MAP3K1: variants seen among roughly 807,000 people sequenced by gnomAD.
MAP3K1 encodes the protein MAP/ERK kinase kinase 1.
A neutral mutation model predicts 144.2 loss-of-function variants in MAP3K1; 36 were observed. The ratio of observed to expected loss-of-function variants is 0.25; its 90% CI spans 0.19 to 0.33. The LOEUF is 0.33. Ranked by LOEUF, MAP3K1 falls within the 10% of genes least tolerant of loss-of-function variation. The probability of loss-of-function intolerance (pLI) is 1.00; values close to 1 mark genes in which losing one functional copy is unlikely to be tolerated. For missense variants in MAP3K1, 1,650 were observed against 1,881.9 expected (o/e 0.88, Z 2.28); for synonymous variants, 718 against 688.7 (o/e 1.04, Z -0.67).
chr5:56,871,546 A>G (rs1160420169), intron 6 of MAP3K1, among the ~76,000 whole-genome samples: 2 of 152,166 alleles, frequency 1.3e-5, no homozygotes, highest in Non-Finnish European at 2.9e-5. Flanking sequence ...CAGTACTTAA[A>G]ATCTTGAAAC....
At chr5:56,845,724 T>C (rs541087454) in intron 1 of MAP3K1, among the ~76,000 whole-genome samples, 2 of 152,342 alleles carry the variant, frequency 1.3e-5, no homozygotes, top group South Asian at 2.1e-4. Context: ...GTTTCATTTT[T>C]CCCCAAAGGT....
chr5:56,885,072 T>C (rs577951274), intron 16 of MAP3K1, among the ~76,000 whole-genome samples: 1 of 152,218 alleles, frequency 6.6e-6, no homozygotes, highest in Non-Finnish European at 1.5e-5. Context: ...TGTAGCATTG[T>C]TGTTTTTAAT....
chr5:56,857,917 C>T (rs530365847), intron 2 of MAP3K1, among the ~76,000 whole-genome samples: 1 of 152,186 alleles, frequency 6.6e-6, no homozygotes, highest in Non-Finnish European at 1.5e-5. Flanking sequence ...TGTTCCTTTC[C>T]ATACCAGCAC....
At chr5:56,848,209 A>G (rs571319508) in intron 1 of MAP3K1, among the ~76,000 whole-genome samples, 80 of 152,130 alleles carry the variant, frequency 5.3e-4, no homozygotes, top group Non-Finnish European at 1.0e-3. Context: ...TTGCCTGATG[A>G]TTGTTACAAA....
chr5:56,836,753 C>T (rs1746666928), intron 1 of MAP3K1, among the ~76,000 whole-genome samples: 1 of 152,126 alleles, frequency 6.6e-6, no homozygotes, highest in Non-Finnish European at 1.5e-5. Context: ...CCTATCCATC[C>T]AGCATACTTC....
chr5:56,834,214 C>G (rs938659561), intron 1 of MAP3K1, among the ~76,000 whole-genome samples: 3 of 152,168 alleles, frequency 2.0e-5, no homozygotes, highest in Non-Finnish European at 4.4e-5. Context: ...CACTTTAGCT[C>G]AGCACTTGTT....
chr5:56,885,462 C>T (rs1282111841), intron 16 of MAP3K1, among the ~76,000 whole-genome samples: 2 of 152,170 alleles, frequency 1.3e-5, no homozygotes, highest in African/African-American at 2.4e-5. Context: ...CTACTATAAA[C>T]ACTTTTAAAA....
chr5:56,825,031 G>A (rs904447791), intron 1 of MAP3K1, among the ~76,000 whole-genome samples: 4 of 151,832 alleles, frequency 2.6e-5, no homozygotes, highest in Admixed American at 1.3e-4. Context: ...TGTTGAGATG[G>A]AGTTTCGCTC....
At chr5:56,817,534 A>G (rs532737850) in intron 1 of MAP3K1, among the ~76,000 whole-genome samples, 12 of 152,350 alleles carry the variant, frequency 7.9e-5, no homozygotes, top group Admixed American at 5.9e-4. Flanking sequence ...CCATGGCACT[A>G]CTGAGACCAA....
At chr5:56,888,494 A>T in intron 19 of MAP3K1, 137 bp downstream of exon 19, 1 of 801,614 alleles carries the variant, frequency 1.2e-6, no homozygotes, top group Non-Finnish European at 2.1e-6. Context: ...TTCAGAGAGG[A>T]TTTGATATAC....
intron 9 of MAP3K1, 53 bp from the exon 10 acceptor site, chr5:56,874,979 C>G (rs1561194907): frequency 6.3e-7 from 1 of 1,584,764 alleles, no homozygotes; most frequent in Non-Finnish European, 8.7e-7. Flanking sequence ...TCAAAATGCT[C>G]TGGGTCCATA....
intron 1 of MAP3K1, among the ~76,000 whole-genome samples, chr5:56,849,236 G>A (rs1747090317): frequency 6.6e-6 from 1 of 151,986 alleles, no homozygotes; most frequent in African/African-American, 2.4e-5. Flanking sequence ...TGTGGTCCCA[G>A]CTACTCGGGA....
intron 1 of MAP3K1, among the ~76,000 whole-genome samples, chr5:56,840,929 G>A (rs999290405): frequency 6.7e-6 from 1 of 149,798 alleles, no homozygotes; most frequent in Admixed American, 6.7e-5. Flanking sequence ...AGGCTGGAGT[G>A]CAGTGGCACG....
intron 1 of MAP3K1, among the ~76,000 whole-genome samples, chr5:56,847,378 C>G (rs1201951294): frequency 6.6e-6 from 1 of 152,234 alleles, no homozygotes; most frequent in Non-Finnish European, 1.5e-5. Flanking sequence ...GGGTGGATCA[C>G]TTGAGGTCAG....
intron 1 of MAP3K1, among the ~76,000 whole-genome samples, chr5:56,845,580 A>G (rs1246637583): frequency 6.6e-6 from 1 of 150,618 alleles, no homozygotes; most frequent in East Asian, 1.9e-4. Flanking sequence ...CCAGCCCTAG[A>G]TTTGTCAAGT....
intron 1 of MAP3K1, among the ~76,000 whole-genome samples, chr5:56,852,300 A>T (rs1310525287): frequency 6.6e-6 from 1 of 152,190 alleles, no homozygotes; most frequent in Non-Finnish European, 1.5e-5. Context: ...AGTTAGCACA[A>T]TCAACAGTGG....
chr5:56,885,810 T>C (rs1748361256), intron 16 of MAP3K1, 122 bp from the exon 17 acceptor site: 2 of 790,286 alleles, frequency 2.5e-6, no homozygotes, highest in South Asian at 1.6e-5. Flanking sequence ...AGTTTTGAAA[T>C]GTTTTTCTTC....
chr5:56,880,570 T>G, intron 11 of MAP3K1, 141 bp from the exon 12 acceptor site: 1 of 705,016 alleles, frequency 1.4e-6, no homozygotes. Flanking sequence ...ACATTGTTAA[T>G]ATGATTTTAG....
chr5:56,876,766 GAAAC>G (rs1406048152), intron 10 of MAP3K1, among the ~76,000 whole-genome samples: 1 of 152,272 alleles, frequency 6.6e-6, no homozygotes, highest in East Asian at 1.9e-4. Flanking sequence ...AGATTATGTA[GAAAC>G]TTTCAACCAT....
Sources: allele counts gnomAD v4.1 joint callset (sites outside exome capture counted in the v4.1 genomes callset), GRCh38; gene constraint gnomAD v4.1.1; transcripts MANE v1.5; gene names NCBI Gene and HGNC (gene_info 2026-07-23, HGNC 2026-07-21).